LRRC69: variants seen among roughly 807,000 people sequenced by gnomAD.
LRRC69 encodes the protein leucine rich repeat containing 69, also known as leucine-rich repeat-containing protein 69.
In LRRC69, 42 loss-of-function variants were observed where a neutral mutation model predicts 37.8. The ratio of observed to expected loss-of-function variants is 1.11; its 90% CI spans 0.87 to 1.44. LRRC69 has a LOEUF of 1.44. Among genes scored for constraint, LRRC69 ranks in the 40% most tolerant of loss-of-function variants. The pLI is 0.00. For synonymous variants in LRRC69, 141 were observed against 143.1 expected, an observed-to-expected ratio of 0.99 and a Z score of 0.11; for missense variants, 357 against 401.9, an observed-to-expected ratio of 0.89 and a Z score of 0.96.
chr8:91,140,550 T>C (rs191427520), intron 5 of LRRC69, among the ~76,000 whole-genome samples: 30 of 152,006 alleles, frequency 2.0e-4, no homozygotes, highest in Middle Eastern at 3.4e-3. Flanking sequence ...CAATGTATAC[T>C]GCATAAAGAA....
intron 2 of LRRC69, among the ~76,000 whole-genome samples, chr8:91,126,749 C>T (rs73697110): frequency 2.0e-5 from 3 of 151,870 alleles, no homozygotes; most frequent in African/African-American, 4.8e-5. Flanking sequence ...ATTATAAATA[C>T]GAAAATGAGA....
At chr8:91,163,188 A>G (rs1157918461) in intron 5 of LRRC69, among the ~76,000 whole-genome samples, 1 of 151,290 alleles carries the variant, frequency 6.6e-6, no homozygotes, top group Non-Finnish European at 1.5e-5. Context: ...TATGACATCA[A>G]ATTTTAAATT....
chr8:91,135,714 A>G (rs1432553163), exon 5 of LRRC69: 3 of 1,457,494 alleles, frequency 2.1e-6, no homozygotes, highest in South Asian at 1.4e-5. Flanking sequence ...ATAGCTGGAA[A>G]TATTATTCAG....
At position 91,158,581 on chromosome 8, in the gene LRRC69, G is replaced by T. The variant is rs528652530; in HGVS notation, c.651+22842G>T. 15 of 1,318,268 alleles carry T rather than the reference G, an allele frequency of 1.1e-5. No homozygotes were observed. The East Asian group carries it at 1.4e-4, about 12-fold the overall frequency. 81.7% of individuals were successfully genotyped at this position (1,318,268 alleles called of 1,614,324 possible). A position where few individuals can be genotyped will look rare whatever the true frequency, so the allele number is the denominator to read the frequency against. On this transcript the variant is annotated intron_variant, in intron 5 of 7. Coordinates refer to ENST00000448384, the Ensembl canonical transcript of LRRC69. ...CATAGCTTCTAATACAAGCACAGGG[G>T]TGTTTATAGTTCTGATGTCTTTGAC...
chr8:91,130,529 C>T (rs1359237591), intron 3 of LRRC69: 2 of 152,006 alleles, frequency 1.3e-5, no homozygotes, highest in African/African-American at 4.8e-5. Context: ...CCTGCCTCGG[C>T]CTCCCAAAAT....
At chr8:91,143,123 T>A (rs2130532231) in intron 5 of LRRC69, among the ~76,000 whole-genome samples, 1 of 152,190 alleles carries the variant, frequency 6.6e-6, no homozygotes, top group Non-Finnish European at 1.5e-5. Flanking sequence ...GGACAAAACT[T>A]CTTAAACATT....
At chr8:91,158,041 C>T (rs558318679) in intron 5 of LRRC69, 1 of 1,355,604 alleles carries the variant, frequency 7.4e-7, no homozygotes, top group Non-Finnish European at 1.1e-6. Context: ...TCAAAATTAT[C>T]TTTAAAAACA....
intron 1 of LRRC69, among the ~76,000 whole-genome samples, chr8:91,119,748 C>T (rs555810078): frequency 3.8e-4 from 58 of 152,058 alleles, no homozygotes; most frequent in Middle Eastern, 3.4e-3. Context: ...TTCATATTTC[C>T]GTGAGAAAAC....
intron 6 of LRRC69, among the ~76,000 whole-genome samples, chr8:91,197,277 G>A (rs1446800308): frequency 1.3e-5 from 2 of 152,170 alleles, no homozygotes; most frequent in Non-Finnish European, 2.9e-5. Flanking sequence ...AGTCTGCAGA[G>A]GTTACTGCTG....
chr8:91,124,596 G>A lies in LRRC69; in HGVS notation c.287G>A (p.Cys96Tyr). ...CTCCATTTATCTGGAAATAGGATCT[G>A]TAGATTTGCACCTGGAGCCTGTGGT... Residue 96 changes from cysteine to tyrosine, a missense_variant, in exon 2 of 8, where the codon TGT becomes TAT. Transcript: ENST00000448384. The A allele has an allele frequency of 2.6e-6, 4 of 1,540,542 alleles. No homozygotes were observed. Among genetic ancestry groups the A allele is most frequent in the Non-Finnish European group, 3.5e-6 (4 of 1,143,226 alleles).
intron 7 of LRRC69, among the ~76,000 whole-genome samples, chr8:91,218,416 G>T (rs990420635): frequency 6.6e-6 from 1 of 152,156 alleles, no homozygotes; most frequent in African/African-American, 2.4e-5. Flanking sequence ...GACCCAGCCA[G>T]TGAAGATCTT....
chr8:91,219,146 C>G, downstream of LRRC69: 1 of 415,856 alleles, frequency 2.4e-6, no homozygotes, highest in Non-Finnish European at 4.3e-6. Context: ...TATAACGTTC[C>G]CAATCTAAGC....
chr8:91,181,755 TTGA>T (rs1312686873), intron 5 of LRRC69, among the ~76,000 whole-genome samples: 2 of 151,998 alleles, frequency 1.3e-5, no homozygotes, highest in Non-Finnish European at 2.9e-5. Flanking sequence ...AAAGAAGCAA[TTGA>T]TGAATGGAAT....
chr8:91,166,511 A>C (rs937211310), intron 5 of LRRC69, among the ~76,000 whole-genome samples: 8 of 122,718 alleles, frequency 6.5e-5, no homozygotes, highest in East Asian at 2.2e-4. Flanking sequence ...AAAAAAAAAA[A>C]AAAAACCTAT....
intron 5 of LRRC69, among the ~76,000 whole-genome samples, chr8:91,159,292 C>A (rs1383928555): frequency 6.6e-6 from 1 of 151,182 alleles, no homozygotes; most frequent in East Asian, 1.9e-4. Flanking sequence ...TTATCTGGAA[C>A]TGGAGAAAAG....
intron 7 of LRRC69, chr8:91,209,437 CAATAAATAAATA>C (rs150183776): frequency 2.0e-5 from 3 of 149,074 alleles, no homozygotes; most frequent in East Asian, 2.0e-4. Context: ...AACTATGTCT[CAATAAATAAATA>C]AATAAATAAA....
chr8:91,159,058 C>CAG (rs1447324033), intron 5 of LRRC69, among the ~76,000 whole-genome samples: 7 of 151,064 alleles, frequency 4.6e-5, no homozygotes, highest in African/African-American at 1.7e-4. Flanking sequence ...GATCTATGAC[C>CAG]AGATATTCTC....
chr8:91,174,099 A>G (rs1809184685), intron 5 of LRRC69, among the ~76,000 whole-genome samples: 1 of 42,270 alleles, frequency 2.4e-5, no homozygotes, highest in South Asian at 9.6e-4. Context: ...TTTGATCTTC[A>G]CAATTCAATG....
chr8:91,193,778 A>G (rs1448800551), intron 6 of LRRC69, among the ~76,000 whole-genome samples: 7 of 142,770 alleles, frequency 4.9e-5, no homozygotes, highest in African/African-American at 1.3e-4. Flanking sequence ...TAGTTATACA[A>G]TCATGTCGTC....
Sources: allele counts gnomAD v4.1 joint callset (sites outside exome capture counted in the v4.1 genomes callset), GRCh38; gene constraint gnomAD v4.1.1; transcripts MANE v1.5; gene names NCBI Gene and HGNC (gene_info 2026-07-23, HGNC 2026-07-21).